The following COL27A1 variants were observed in gnomAD, a reference collection of about 807,000 sequenced individuals.
The protein encoded by COL27A1 is collagen type XXVII alpha 1 chain.
A neutral mutation model predicts 251.3 loss-of-function variants in COL27A1; 106 were observed. The observed-to-expected ratio is 0.42, with a 90% confidence interval of 0.36 to 0.50. COL27A1 has a LOEUF of 0.50. Ranked by LOEUF, COL27A1 falls within the 20% of genes least tolerant of loss-of-function variation. The probability of loss-of-function intolerance (pLI) is 0.00; values close to 1 mark genes in which losing one functional copy is unlikely to be tolerated. For missense variants in COL27A1, 2,325 were observed against 2,522.8 expected (o/e 0.92, Z 1.68); for synonymous variants, 1,000 against 986.3 (o/e 1.01, Z -0.26).
In COL27A1 at chr9:114,235,489, G is replaced by T; in HGVS notation, c.2566-110G>T. 4 of 858,084 alleles carry T rather than the reference G, an allele frequency of 4.7e-6. No individual in the cohort carries two copies. In the South Asian group the frequency reaches 5.3e-5, roughly 11 times the overall value. 53.2% of individuals were successfully genotyped at this position (858,084 alleles called of 1,614,324 possible). A position where few individuals can be genotyped will look rare whatever the true frequency, so the allele number is the denominator to read the frequency against. Reference sequence around the variant, plus strand: ...CACAAGGCTGCTGCTGGCCGGATCCGACTTGGGAAACAGCCTCGGCACAGC... The same window carrying T: ...CACAAGGCTGCTGCTGGCCGGATCCTACTTGGGAAACAGCCTCGGCACAGC... On this transcript the variant is annotated intron_variant, in intron 16 of 60. Coordinates refer to ENST00000356083, the MANE Select transcript of COL27A1 (RefSeq NM_032888.4).
At chr9:114,226,092 C>T (rs1354838836) in intron 14 of COL27A1, among the ~76,000 whole-genome samples, 4 of 152,156 alleles carry the variant, frequency 2.6e-5, no homozygotes, top group Non-Finnish European at 5.9e-5. Context: ...GTGCCTGATT[C>T]CAGAATCTGC....
At chr9:114,171,947 G>T (rs758508730) in intron 3 of COL27A1, among the ~76,000 whole-genome samples, 2 of 152,156 alleles carry the variant, frequency 1.3e-5, no homozygotes, top group Non-Finnish European at 1.5e-5. Context: ...GGCTCCCAGC[G>T]TGTTCCTGAA....
chr9:114,232,129 G>A (rs183962257), intron 16 of COL27A1, among the ~76,000 whole-genome samples: 1 of 152,302 alleles, frequency 6.6e-6, no homozygotes, highest in African/African-American at 2.4e-5. Flanking sequence ...TGTCAAGACA[G>A]GGCTCTGAAT....
At chr9:114,265,580 C>T (rs1834685509) in intron 32 of COL27A1, 105 bp downstream of exon 32, 1 of 1,138,512 alleles carries the variant, frequency 8.8e-7, no homozygotes. Context: ...CCATGCCTGG[C>T]CTCTAACCCG....
chr9:114,292,060 C>T (rs571093192), intron 48 of COL27A1, 43 bp from the exon 49 acceptor site: 11 of 1,517,458 alleles, frequency 7.2e-6, no homozygotes, highest in Middle Eastern at 1.7e-4. Flanking sequence ...GCCTTAGAAC[C>T]CCTTCCCACT....
chr9:114,249,630 A>G (rs74974019), intron 24 of COL27A1, among the ~76,000 whole-genome samples: 366 of 152,326 alleles, frequency 2.4e-3, no homozygotes, highest in African/African-American at 8.5e-3. Flanking sequence ...TAACCCTCTC[A>G]TGGTAGTTAA....
chr9:114,164,254 T>C (rs1204406569), intron 2 of COL27A1, among the ~76,000 whole-genome samples: 1 of 152,344 alleles, frequency 6.6e-6, no homozygotes, highest in East Asian at 1.9e-4. Flanking sequence ...ATTTGGTATC[T>C]AGTAAGTGCT....
intron 19 of COL27A1, among the ~76,000 whole-genome samples, chr9:114,239,896 T>TC (rs1832634407): frequency 6.6e-6 from 1 of 152,132 alleles, no homozygotes; most frequent in Non-Finnish European, 1.5e-5. Flanking sequence ...GGGAGCAATG[T>TC]CCCCAGACAC....
chr9:114,200,482 A>G (rs943727638), intron 7 of COL27A1, among the ~76,000 whole-genome samples: 9 of 152,212 alleles, frequency 5.9e-5, no homozygotes, highest in African/African-American at 2.2e-4. Flanking sequence ...CTGGGACTCA[A>G]CAGACATTTG....
chr9:114,174,963 G>A (rs534246905), intron 3 of COL27A1, among the ~76,000 whole-genome samples: 1 of 23,276 alleles, frequency 4.3e-5, no homozygotes, highest in Admixed American at 4.7e-4. Flanking sequence ...ACATTGCTCA[G>A]GGTCACATGG....
Position 114,290,073 on chromosome 9 carries a change from C to A in COL27A1, c.4222C>A (p.Gln1408Lys). The change falls in exon 46 of 61, where the codon CAA becomes AAA. Residue 1408 changes from glutamine to lysine, a missense_variant. Transcript: ENST00000356083. The surrounding 1 kb of genome is among the most constrained non-coding windows in gnomAD (Gnocchi z 4.6). ...SKGAEGPKGK[Q>K]GKAGAPGRRG... ...GATTTTTCAGGGACCAAAGGGAAAG[C>A]AAGGCAAGGCAGGGGCCCCAGGCCG... 2 of 1,611,870 alleles carry A rather than the reference C, an allele frequency of 1.2e-6. No homozygotes were observed. Among genetic ancestry groups the A allele is most frequent in the East Asian group, 4.5e-5 (2 of 44,868 alleles).
intron 2 of COL27A1, among the ~76,000 whole-genome samples, chr9:114,163,645 T>C (rs1048781666): frequency 2.6e-5 from 4 of 152,280 alleles, no homozygotes; most frequent in African/African-American, 9.6e-5. Flanking sequence ...GCCCAGCCCG[T>C]GTGCTGGGGC....
Position 114,258,599 on chromosome 9 carries a change from G to A in COL27A1, c.3195+5G>A. ...AGGGGAGCAAAGGGACGTCGGGTAA[G>A]TCGAGCCCAGCTCCTGGGGGCTGAT... On this transcript the variant is annotated splice_donor_5th_base_variant and intron_variant, in intron 28 of 60. Transcript: ENST00000356083. 6.2e-7 allele frequency: 1 copy of A among 1,613,822 alleles called. No homozygotes were observed. Among genetic ancestry groups the A allele is most frequent in the Non-Finnish European group, 8.5e-7 (1 of 1,179,950 alleles).
intron 41 of COL27A1, 31 bp from the exon 42 acceptor site, chr9:114,288,424 G>T: frequency 6.2e-7 from 1 of 1,605,734 alleles, no homozygotes; most frequent in Non-Finnish European, 8.5e-7. Context: ...GGAGCAGGCG[G>T]TTTGCCCTAA....
In COL27A1 at chr9:114,307,761, C is replaced by G; in HGVS notation, c.5200C>G (p.Pro1734Ala). The change falls in exon 59 of 61, where the codon CCC (proline) becomes GCC (alanine). Residue 1734 changes from proline to alanine, a missense_variant. Physicochemically the swap from Pro to Ala is conservative, Grantham distance 27. Transcript: ENST00000356083. The stretch of plus-strand genomic sequence containing the variant: ...TCATGGTGGACAGACGTGTCTCAAG[C>G]CCATCACGGCCTCCAAGGTACCCAT... ...FTHGGQTCLK[P>A]ITASKVEFAI... 1.2e-6 allele frequency: 2 copies of G among 1,613,380 alleles called. No homozygotes were observed.
chr9:114,206,181 G>A lies in COL27A1; in HGVS notation c.2224-71G>A, dbSNP rs1829950087. On this transcript the variant is annotated intron_variant, in intron 9 of 60. Coordinates refer to ENST00000356083, the MANE Select transcript of COL27A1 (RefSeq NM_032888.4). ...AGCAGCAGAGGCCCCAAAGAGGCAG[G>A]ACTTGCCCCAGGATTGGCAGCAGGT... 1.1e-5 allele frequency: 16 copies of A among 1,483,460 alleles called. No individual in the cohort carries two copies. The South Asian group carries it at 1.7e-4, about 16-fold the overall frequency. 91.9% of individuals were successfully genotyped at this position (1,483,460 alleles called of 1,614,324 possible). A position where few individuals can be genotyped will look rare whatever the true frequency, so the allele number is the denominator to read the frequency against.
chr9:114,180,882 G>C (rs150833008), intron 4 of COL27A1, among the ~76,000 whole-genome samples: 2 of 152,218 alleles, frequency 1.3e-5, no homozygotes, highest in Middle Eastern at 3.2e-3. Context: ...AGCTGCAGAT[G>C]GGGGAGCTGA....
At chr9:114,273,834 C>T (rs1835312826) in intron 36 of COL27A1, 1 of 152,358 alleles carries the variant, frequency 6.6e-6, no homozygotes, top group African/African-American at 2.4e-5. Flanking sequence ...TCCTGGAATC[C>T]TGCATGCCCC....
At chr9:114,286,092 A>G (rs2131606124) in intron 41 of COL27A1, among the ~76,000 whole-genome samples, 1 of 152,320 alleles carries the variant, frequency 6.6e-6, no homozygotes, top group African/African-American at 2.4e-5. Flanking sequence ...ACAGGTACTT[A>G]TGGAGGATTT....
Sources: allele counts gnomAD v4.1 joint callset (sites outside exome capture counted in the v4.1 genomes callset), GRCh38; gene constraint gnomAD v4.1.1; non-coding constraint Gnocchi (gnomAD v3.1); transcripts MANE v1.5; gene names NCBI Gene and HGNC (gene_info 2026-07-23, HGNC 2026-07-21).